The following FRMPD2 variants were observed in gnomAD, a reference collection of about 807,000 sequenced individuals.
The protein encoded by FRMPD2 is FERM and PDZ domain-containing protein 2.
Under a neutral mutation model 140.1 loss-of-function variants are expected in FRMPD2, and 96 were observed. The observed-to-expected ratio is 0.69, with a 90% CI of 0.58 to 0.81. FRMPD2 has a LOEUF of 0.81. FRMPD2 is among the 40% of genes least tolerant of loss of function. The probability of loss-of-function intolerance (pLI) is 0.00; values close to 1 mark genes in which losing one functional copy is unlikely to be tolerated. For synonymous variants in FRMPD2, 449 were observed against 547.6 expected, an observed-to-expected ratio of 0.82 and a Z score of 2.52; for missense variants, 1,240 against 1,447.4, an observed-to-expected ratio of 0.86 and a Z score of 2.32.
At chr10:48,171,356 G>A in intron 25 of FRMPD2, 148 bp from the exon 26 acceptor site, 1 of 685,378 alleles carries the variant, frequency 1.5e-6, no homozygotes, top group Non-Finnish European at 2.7e-6. Context: ...AGTACATTAT[G>A]TATGTTATAG....
intron 5 of FRMPD2, 47 bp downstream of exon 5, chr10:48,242,114 A>G (rs1274748780): frequency 7.5e-7 from 1 of 1,331,586 alleles, no homozygotes; most frequent in Non-Finnish European, 1.0e-6. Context: ...TTTAATAGCC[A>G]CACATGACCA....
At chr10:48,226,644 C>G (rs1839728994) in intron 10 of FRMPD2, among the ~76,000 whole-genome samples, 1 of 152,218 alleles carries the variant, frequency 6.6e-6, no homozygotes, top group Admixed American at 6.5e-5. Flanking sequence ...AAGGCAACAT[C>G]CTTATCTTCA....
chr10:48,194,100 A>C (rs1838900320), intron 15 of FRMPD2, among the ~76,000 whole-genome samples: 1 of 152,232 alleles, frequency 6.6e-6, no homozygotes, highest in South Asian at 2.1e-4. Context: ...CAACAGCAGT[A>C]ATGTCAACAT....
chr10:48,183,948 A>G (rs1838614385), intron 20 of FRMPD2, among the ~76,000 whole-genome samples: 1 of 151,976 alleles, frequency 6.6e-6, no homozygotes, highest in Admixed American at 6.5e-5. Context: ...AACAACACAC[A>G]CCAGAGCCTA....
chr10:48,268,626 A>G (rs1220079352), intron 1 of FRMPD2, among the ~76,000 whole-genome samples: 1 of 152,244 alleles, frequency 6.6e-6, no homozygotes, highest in East Asian at 1.9e-4. Flanking sequence ...CAAGGGCATT[A>G]GGCTGAATGA....
intron 1 of FRMPD2, among the ~76,000 whole-genome samples, chr10:48,255,466 T>TAA (rs1840470742): frequency 6.6e-6 from 1 of 152,166 alleles, no homozygotes; most frequent in Admixed American, 6.5e-5. Flanking sequence ...AGGCTGTCCC[T>TAA]ACAGCCTTCC....
intron 16 of FRMPD2, 146 bp from the exon 17 acceptor site, chr10:48,187,438 A>G: frequency 1.6e-6 from 1 of 644,120 alleles, no homozygotes. Flanking sequence ...CCAGTCATCC[A>G]GCAGCTCCTC....
chr10:48,223,080 A>C (rs1839643796), intron 11 of FRMPD2, 43 bp downstream of exon 11: 1 of 1,573,776 alleles, frequency 6.4e-7, no homozygotes, highest in Non-Finnish European at 8.7e-7. Flanking sequence ...CTGGACATAC[A>C]TAAATCCCTT....
chr10:48,200,473 C>G (rs1379166214), intron 15 of FRMPD2, among the ~76,000 whole-genome samples: 2 of 152,160 alleles, frequency 1.3e-5, no homozygotes, highest in Non-Finnish European at 2.9e-5. Context: ...AAAGCCAAAC[C>G]CTCTCTTTGT....
At chr10:48,216,301 T>C (rs1839447995) in intron 12 of FRMPD2, among the ~76,000 whole-genome samples, 1 of 150,604 alleles carries the variant, frequency 6.6e-6, no homozygotes, top group Non-Finnish European at 1.5e-5. Flanking sequence ...GATAGATAGA[T>C]AGATAGATAG....
Position 48,184,572 on chromosome 10 carries a change from A to G in FRMPD2, c.2578T>C (p.Ser860Pro). ...PDNIELIISQ[S>P]KGVGGNNPDE... ...AGAGTGGGTTAAAACATACCTTTTG[A>G]CTGAGAAATAATTAATTCTATGTTG... is the stretch of plus-strand genomic sequence containing the variant. Residue 860 changes from serine (S) to proline (P), a missense_variant, in exon 20 of 29, where the codon TCA becomes CCA. Ser to Pro is a moderately conservative substitution (Grantham distance 74). This residue lies in a region of FRMPD2 where 1,161 missense variants were observed against 1,055.9 expected (regional missense o/e 1.10). Coordinates refer to ENST00000374201, the MANE Select transcript of FRMPD2 (RefSeq NM_001018071.4). The G allele has an allele frequency of 1.3e-6, 2 of 1,598,518 alleles. No homozygotes were observed. Among genetic ancestry groups the G allele is most frequent in the South Asian group, 2.2e-5 (2 of 90,710 alleles).
At chr10:48,175,301 A>G (rs1440688271) in intron 23 of FRMPD2, among the ~76,000 whole-genome samples, 4 of 152,002 alleles carry the variant, frequency 2.6e-5, no homozygotes, top group Non-Finnish European at 5.9e-5. Flanking sequence ...TCCAGCATGT[A>G]TTTTTTTTAT....
intron 22 of FRMPD2, chr10:48,177,323 G>T (rs1838436366): frequency 6.6e-6 from 1 of 150,756 alleles, no homozygotes; most frequent in African/African-American, 2.4e-5. Flanking sequence ...ATGTTAGCCA[G>T]GATAGTCTCA....
intron 10 of FRMPD2, among the ~76,000 whole-genome samples, chr10:48,227,808 A>T (rs1839759277): frequency 6.6e-6 from 1 of 152,216 alleles, no homozygotes; most frequent in African/African-American, 2.4e-5. Context: ...AAACAGAACT[A>T]ACCTAAATGT....
Position 48,223,184 on chromosome 10 carries a change from T to C in FRMPD2, c.1255A>G (p.Met419Val), listed in dbSNP as rs998797434. The C allele has an allele frequency of 1.9e-6, 3 of 1,614,100 alleles. No individual in the cohort carries two copies. Among genetic ancestry groups the C allele is most frequent in the East Asian group, 4.5e-5 (2 of 44,884 alleles). Residue 419 changes from methionine (M) to valine (V), a missense_variant, in exon 11 of 29, where the codon ATG (methionine) becomes GTG (valine). Physicochemically the swap from Met to Val is conservative, Grantham distance 21 (BLOSUM62 1). Around this residue, in one of 6 missense-constraint regions of FRMPD2, gnomAD observed 1,161 missense variants for 1,055.9 expected, o/e 1.10. Transcript: ENST00000374201. ...GWREQPQKTS[M>V]NTFTLFLRIK... The stretch of plus-strand genomic sequence containing the variant: ...CTCAGGAAGAGTGTGAAGGTATTCA[T>C]GGAGGTCTTCTGAGGCTGCTCTCTC...
At chr10:48,199,134 A>G (rs985766138) in intron 15 of FRMPD2, among the ~76,000 whole-genome samples, 2 of 152,316 alleles carry the variant, frequency 1.3e-5, no homozygotes, top group African/African-American at 4.8e-5. Context: ...CCTATCAGGT[A>G]CTATGCTCAC....
At chr10:48,273,926 C>A (rs1840811936) in intron 1 of FRMPD2, among the ~76,000 whole-genome samples, 1 of 151,884 alleles carries the variant, frequency 6.6e-6, no homozygotes, top group South Asian at 2.1e-4. Context: ...AAAACCTCAA[C>A]TGAGTTTTTT....
rs376234330 is a variant in FRMPD2, at chr10:48,178,038, A to C, written c.2895+9T>G. 4 of 1,549,998 alleles carry C rather than the reference A, an allele frequency of 2.6e-6. No individual in the cohort carries two copies. The highest frequency in any genetic ancestry group is 1.7e-5 in the Admixed American group (1 of 59,818). ...TAACTGCTTTTCAAGCTCTCCTAAA[A>C]ACTCTTACAGTTACACTGAATCCAA... On this transcript the variant is annotated intron_variant, in intron 22 of 28. Coordinates refer to ENST00000374201, the MANE Select transcript of FRMPD2 (RefSeq NM_001018071.4).
intron 15 of FRMPD2, among the ~76,000 whole-genome samples, 197 bp downstream of exon 15, chr10:48,201,031 T>G (rs1300912309): frequency 6.6e-6 from 1 of 152,218 alleles, no homozygotes; most frequent in Non-Finnish European, 1.5e-5. Flanking sequence ...CAATTTATCC[T>G]CCCAGTGTTA....
Sources: allele counts gnomAD v4.1 joint callset (sites outside exome capture counted in the v4.1 genomes callset), GRCh38; gene constraint gnomAD v4.1.1; regional missense constraint gnomAD v4.1.1; transcripts MANE v1.5; gene names NCBI Gene and HGNC (gene_info 2026-07-23, HGNC 2026-07-21).